The following ATP13A4 variants were observed in gnomAD, a reference collection of about 807,000 sequenced individuals.
ATP13A4 encodes probable cation-transporting ATPase 13A4.
ATP13A4 carries 114 observed loss-of-function variants against 142.5 expected under a neutral mutation model. The observed-to-expected ratio is 0.80, with a 90% CI of 0.69 to 0.93. The LOEUF (loss-of-function observed/expected upper bound fraction) is 0.93, where lower values mean the gene tolerates loss of function less well. Ranked by LOEUF, ATP13A4 falls within the 40% of genes least tolerant of loss-of-function variation. The pLI, the probability that ATP13A4 is intolerant of heterozygous loss-of-function variation, is 0.00. For missense variants in ATP13A4, 1,392 were observed against 1,454.0 expected, an observed-to-expected ratio of 0.96 and a Z score of 0.69; for synonymous variants, 488 against 514.8, an observed-to-expected ratio of 0.95 and a Z score of 0.70.
rs1265226002 is a variant in ATP13A4, at chr3:193,511,238, C to T, written c.234+3460G>A. ...TTAGCTGTGGAGGGGCAGTGAAATTCGACAAGGGCTTGACAGACTGTCAAG... is the reference window on the plus strand; with the variant it reads ...TTAGCTGTGGAGGGGCAGTGAAATTTGACAAGGGCTTGACAGACTGTCAAG... On this transcript the variant is annotated intron_variant, in intron 2 of 29. Transcript: ENST00000342695. Among the ~76,000 whole-genome samples, 4 of 152,282 alleles carry T rather than the reference C, an allele frequency of 2.6e-5. No individual in the cohort carries two copies. In the South Asian group the frequency reaches 6.2e-4, roughly 24 times the overall value.
At chr3:193,440,466 G>A in intron 21 of ATP13A4, 92 bp downstream of exon 21, 3 of 1,591,260 alleles carry the variant, frequency 1.9e-6, no homozygotes, top group Non-Finnish European at 2.6e-6. Flanking sequence ...CACTGCCCTT[G>A]TCAAACTGAG....
In ATP13A4 at chr3:193,422,210, T is replaced by C. The variant is rs987460860; in HGVS notation, c.2843-7460A>G. Among the ~76,000 whole-genome samples the C allele has an allele frequency of 6.0e-5, 9 of 149,754 alleles. 2 individuals carry two copies. The highest frequency in any genetic ancestry group is 4.1e-4 in the East Asian group (2 of 4,856). On this transcript the variant is annotated intron_variant, in intron 25 of 29. Coordinates refer to ENST00000342695, the MANE Select transcript of ATP13A4 (RefSeq NM_032279.4). ...GTCACAAGAGACAATGCATCCAACA[T>C]TGAAGCACGTAAATATATAAAGCAA... is the stretch of plus-strand genomic sequence containing the variant.
chr3:193,439,857 G>A (rs1716518445), intron 21 of ATP13A4, among the ~76,000 whole-genome samples: 1 of 152,174 alleles, frequency 6.6e-6, no homozygotes, highest in Non-Finnish European at 1.5e-5. Flanking sequence ...GAGCTGAGAA[G>A]CTAGCCTGAT....
At chr3:193,406,787 T>C (rs1714521158) in intron 29 of ATP13A4, among the ~76,000 whole-genome samples, 1 of 152,164 alleles carries the variant, frequency 6.6e-6, no homozygotes, top group Non-Finnish European at 1.5e-5. Context: ...ATATGAAATG[T>C]CCAGAAAAGT....
At chr3:193,552,362 C>A (rs747701958) in intron 1 of ATP13A4, among the ~76,000 whole-genome samples, 3 of 152,194 alleles carry the variant, frequency 2.0e-5, no homozygotes, top group Non-Finnish European at 4.4e-5. Context: ...GAGGTCTAAA[C>A]CCTAGCATGT....
Position 193,448,704 on chromosome 3 carries a change from T to G in ATP13A4, c.2028-374A>C, listed in dbSNP as rs146885523. On this transcript the variant is annotated intron_variant, in intron 17 of 29. Transcript: ENST00000342695. ...CCCCTGTCATAGTGGTTCCATTCAC[T>G]CATTCAAGCACTGTTAGGGGCTGAT... Among the ~76,000 whole-genome samples, 154 of 152,326 alleles carry G rather than the reference T, an allele frequency of 1.0e-3. 1 individual carries two copies. The highest frequency in any genetic ancestry group is 3.5e-3 in the African/African-American group (145 of 41,588).
In ATP13A4 at chr3:193,467,324, A is replaced by C; in HGVS notation, c.1106T>G (p.Leu369Arg). Residue 369 changes from leucine (L) to arginine (R), a missense_variant, in exon 10 of 30, where the codon CTG (leucine) becomes CGG (arginine). Coordinates refer to ENST00000342695, the MANE Select transcript of ATP13A4 (RefSeq NM_032279.4). Reference protein sequence around the residue: ...ACSGTVRAVVLQTGFNTAKGD... With the variant: ...ACSGTVRAVVRQTGFNTAKGD... ...AAGGAGGGGATGCTAACCAGTCTGCAGTACCACGGCTCTCACGGTCCCAGA... is the reference window on the plus strand; with the variant it reads ...AAGGAGGGGATGCTAACCAGTCTGCCGTACCACGGCTCTCACGGTCCCAGA... 6.2e-7 allele frequency: 1 copy of C among 1,614,214 alleles called. No homozygotes were observed. Among genetic ancestry groups the C allele is most frequent in the Non-Finnish European group, 8.5e-7 (1 of 1,180,034 alleles).
At chr3:193,587,542 T>G (rs1473811057) in intron 1 of ATP13A4, among the ~76,000 whole-genome samples, 1 of 152,220 alleles carries the variant, frequency 6.6e-6, no homozygotes, top group African/African-American at 2.4e-5. Context: ...TAAGGTAACA[T>G]TCACAAGTTC....
chr3:193,414,860 G>T, intron 25 of ATP13A4, 110 bp from the exon 26 acceptor site: 1 of 1,021,490 alleles, frequency 9.8e-7, no homozygotes, highest in Admixed American at 1.9e-5. Flanking sequence ...GGACAAACTG[G>T]AGTACATCAC....
chr3:193,437,825 A>ATTTTTTT (rs372139378), intron 23 of ATP13A4, among the ~76,000 whole-genome samples: 4 of 102,990 alleles, frequency 3.9e-5, no homozygotes, highest in Non-Finnish European at 7.6e-5. Context: ...GCCAATAAAG[A>ATTTTTTT]TTTTTTTTTT....
intron 2 of ATP13A4, among the ~76,000 whole-genome samples, chr3:193,511,945 T>G (rs1243369196): frequency 6.6e-6 from 1 of 152,166 alleles, no homozygotes; most frequent in Non-Finnish European, 1.5e-5. Context: ...TTTTTTCTCT[T>G]TTCTCTCTCT....
chr3:193,418,402 A>G (rs945322993), intron 25 of ATP13A4, among the ~76,000 whole-genome samples: 18 of 149,608 alleles, frequency 1.2e-4, no homozygotes, highest in African/African-American at 3.4e-4. Flanking sequence ...TCCCACAAAG[A>G]CAACCAAAAC....
rs528902454 is a variant in ATP13A4, at chr3:193,411,788, C to T, written c.3208+390G>A. On this transcript the variant is annotated intron_variant, in intron 27 of 29. Transcript: ENST00000342695. ...AGCAGCCTGCCACCACACAATGCCA[C>T]CCTGACTATTGCCTTCATGGCAAGA... Among the ~76,000 whole-genome samples, 88 of 152,310 alleles carry T rather than the reference C, an allele frequency of 5.8e-4. 1 individual carries two copies. Among genetic ancestry groups the T allele is most frequent in the African/African-American group, 2.1e-3 (87 of 41,568 alleles).
chr3:193,484,037 T>A (rs1372528450), intron 7 of ATP13A4, 32 bp from the exon 8 acceptor site: 1 of 1,541,248 alleles, frequency 6.5e-7, no homozygotes, highest in Admixed American at 1.7e-5. Flanking sequence ...AAAAGTCTTA[T>A]CTATTTGAGC....
Position 193,467,405 on chromosome 3 carries a change from T to C in ATP13A4, c.1025A>G (p.Tyr342Cys), listed in dbSNP as rs1187313318. ...VPWKTQSEAD[Y>C]KRHVLFCGTE... ...TCCACAGAAGAGGACATGCCGCTTG[T>C]AATCCGCTTCACTCTGTGTTTTCCA... is the stretch of plus-strand genomic sequence containing the variant. The change falls in exon 10 of 30, where the codon TAC becomes TGC. Residue 342 changes from tyrosine (Y) to cysteine (C), a missense_variant. By Grantham distance (194) the Tyr-to-Cys change is radical. Coordinates refer to ENST00000342695, the MANE Select transcript of ATP13A4 (RefSeq NM_032279.4). 1.2e-6 allele frequency: 2 copies of C among 1,613,994 alleles called. No homozygotes were observed. The highest frequency in any genetic ancestry group is 1.7e-6 in the Non-Finnish European group (2 of 1,180,020).
At chr3:193,414,826 AT>A (rs1560171535) in intron 25 of ATP13A4, 76 bp from the exon 26 acceptor site, 1 of 1,423,500 alleles carries the variant, frequency 7.0e-7, no homozygotes, top group Non-Finnish European at 9.8e-7. Context: ...GCATAAGTTC[AT>A]TGGCCCATAC....
At chr3:193,578,692 G>A (rs1218172510) in intron 2 of ATP13A4, 1 of 152,218 alleles carries the variant, frequency 6.6e-6, no homozygotes, top group Admixed American at 6.6e-5. Context: ...GAACAAAAAG[G>A]GAGAGGAAAG....
At chr3:193,503,262 G>A (rs1168669488) in intron 2 of ATP13A4, among the ~76,000 whole-genome samples, 2 of 152,158 alleles carry the variant, frequency 1.3e-5, no homozygotes, top group Non-Finnish European at 2.9e-5. Context: ...CAAGGTAATT[G>A]CCAAGATGTT....
intron 2 of ATP13A4, among the ~76,000 whole-genome samples, chr3:193,565,887 G>C (rs1724121786): frequency 6.6e-6 from 1 of 152,202 alleles, no homozygotes; most frequent in African/African-American, 2.4e-5. Flanking sequence ...AGCCTCAGTT[G>C]ACTAATCTGT....
Sources: allele counts gnomAD v4.1 joint callset (sites outside exome capture counted in the v4.1 genomes callset), GRCh38; gene constraint gnomAD v4.1.1; transcripts MANE v1.5; gene names NCBI Gene and HGNC (gene_info 2026-07-23, HGNC 2026-07-21).